LRRIQ4: variants seen among roughly 807,000 people sequenced by gnomAD.
LRRIQ4 encodes the protein leucine rich repeats and IQ motif containing 4.
LRRIQ4 carries 21 observed loss-of-function variants against 40.1 expected under a neutral mutation model. The observed-to-expected ratio is 0.52, with a 90% CI of 0.37 to 0.75. LRRIQ4 has a LOEUF of 0.75. LRRIQ4 is among the 30% of genes least tolerant of loss of function. The probability of loss-of-function intolerance (pLI) is 0.00; values close to 1 mark genes in which losing one functional copy is unlikely to be tolerated. For missense variants in LRRIQ4, 655 were observed against 660.0 expected, an observed-to-expected ratio of 0.99 and a Z score of 0.08; for synonymous variants, 277 against 277.1, an observed-to-expected ratio of 1.00 and a Z score of 0.00.
At chr3:169,834,010 A>T (rs1482977201) in intron 5 of LRRIQ4, among the ~76,000 whole-genome samples, 2 of 152,224 alleles carry the variant, frequency 1.3e-5, no homozygotes, top group African/African-American at 4.8e-5. Context: ...ACATAATTTT[A>T]ATCAAAATAA....
intron 2 of LRRIQ4, among the ~76,000 whole-genome samples, chr3:169,826,985 C>T (rs1035008906): frequency 3.3e-5 from 5 of 152,210 alleles, no homozygotes; most frequent in Non-Finnish European, 1.5e-5. Flanking sequence ...AGGTTGTCCT[C>T]AGTGAACTTT....
At chr3:169,814,416 C>T (rs1158229632) in intron 1 of LRRIQ4, among the ~76,000 whole-genome samples, 2 of 152,162 alleles carry the variant, frequency 1.3e-5, no homozygotes, top group Non-Finnish European at 2.9e-5. Flanking sequence ...CCTGTGTGCT[C>T]CTCCGCCGGT....
intron 4 of LRRIQ4, among the ~76,000 whole-genome samples, chr3:169,831,367 G>A (rs1328126184): frequency 1.5e-5 from 2 of 131,216 alleles, no homozygotes; most frequent in African/African-American, 5.8e-5. Flanking sequence ...TCTGCCTCCC[G>A]GGTTCACGCT....
At chr3:169,830,348 A>C in intron 3 of LRRIQ4, 144 bp from the exon 4 acceptor site, 1 of 562,298 alleles carries the variant, frequency 1.8e-6, no homozygotes, top group Non-Finnish European at 2.8e-6. Flanking sequence ...TTTTCCCTTA[A>C]CTCAATGCGT....
intron 1 of LRRIQ4, among the ~76,000 whole-genome samples, chr3:169,814,865 T>C (rs896916055): frequency 6.6e-6 from 1 of 152,152 alleles, no homozygotes; most frequent in Non-Finnish European, 1.5e-5. Flanking sequence ...GGATATCCAG[T>C]TTTCCCAGAA....
Position 169,814,055 on chromosome 3 carries a change from C to T in LRRIQ4, c.-32+1009C>T, listed in dbSNP as rs1560607112. Among the ~76,000 whole-genome samples, 7 of 152,230 alleles carry T rather than the reference C, an allele frequency of 4.6e-5. No homozygotes were observed. In the South Asian group the frequency reaches 1.2e-3, roughly 27 times the overall value. ...TATAGGCGGCTTGCGTCAATCAGCT[C>T]AGTTAGACCCTCTGTCTTACCGCAA... On this transcript the variant is annotated intron_variant, in intron 1 of 5. Transcript: ENST00000340806.
chr3:169,819,131 T>A (rs1158686694), intron 1 of LRRIQ4, among the ~76,000 whole-genome samples: 1 of 152,218 alleles, frequency 6.6e-6, no homozygotes, highest in Non-Finnish European at 1.5e-5. Context: ...GTAAATTTGA[T>A]CACATTTGTG....
intron 5 of LRRIQ4, among the ~76,000 whole-genome samples, chr3:169,833,809 C>G (rs542945841): frequency 6.6e-6 from 1 of 152,302 alleles, no homozygotes; most frequent in Non-Finnish European, 1.5e-5. Flanking sequence ...AGCAGTTGCA[C>G]TGATGCTCCA....
chr3:169,819,914 T>C (rs988205360), intron 1 of LRRIQ4, among the ~76,000 whole-genome samples: 1 of 152,244 alleles, frequency 6.6e-6, no homozygotes, highest in African/African-American at 2.4e-5. Flanking sequence ...ATCTGCCTGA[T>C]GACTAAGTGA....
chr3:169,829,690 G>A (rs909685618), intron 3 of LRRIQ4, among the ~76,000 whole-genome samples: 3 of 152,092 alleles, frequency 2.0e-5, no homozygotes, highest in Admixed American at 1.3e-4. Context: ...TAGTAAAGAC[G>A]GGGTTTTGCC....
At position 169,833,151 on chromosome 3, in the gene LRRIQ4, GA is replaced by G; in HGVS notation, c.1502del (p.Asn501ThrfsTer6). The G allele has an allele frequency of 6.2e-7, 1 of 1,613,352 alleles. No homozygotes were observed. Among genetic ancestry groups the G allele is most frequent in the Admixed American group, 1.7e-5 (1 of 59,876 alleles). ...TGAGGCCATATGGAAATACCTCAAG[GA>G]AAACAGAAACAGGAATATAATGGCA... ...GNEAIWKYLK[E>X]NRNRNIMATK... On this transcript the variant is annotated frameshift_variant, in exon 5 of 6. Coordinates refer to ENST00000340806, the MANE Select transcript of LRRIQ4 (RefSeq NM_001080460.3). LOFTEE classifies it low-confidence loss of function (END_TRUNC).
At chr3:169,818,402 C>G (rs767532007) in intron 1 of LRRIQ4, among the ~76,000 whole-genome samples, 4 of 152,072 alleles carry the variant, frequency 2.6e-5, no homozygotes, top group Non-Finnish European at 4.4e-5. Flanking sequence ...ATTTGGTGTT[C>G]CTGTTGGAGG....
At position 169,822,009 on chromosome 3, in the gene LRRIQ4, A is replaced by T. The variant is rs1200997833; in HGVS notation, c.88A>T (p.Ile30Phe). The change falls in exon 2 of 6, where the codon ATT becomes TTT. Residue 30 changes from isoleucine to phenylalanine, a missense_variant. Ile to Phe is a conservative substitution (Grantham distance 21). Coordinates refer to ENST00000340806, the MANE Select transcript of LRRIQ4 (RefSeq NM_001080460.3). ...GCACGTCAATGATAGAACATTTTTC[A>T]TTGATGCCTCTAATCAGAGCTTGAC... ...PQHVNDRTFFIDASNQSLTAI... is the reference protein window; with the variant it reads ...PQHVNDRTFFFDASNQSLTAI... The T allele has an allele frequency of 1.3e-6, 2 of 1,576,794 alleles. No homozygotes were observed. The highest frequency in any genetic ancestry group is 2.0e-5 in the Admixed American group (1 of 50,120).
intron 5 of LRRIQ4, among the ~76,000 whole-genome samples, chr3:169,834,232 C>A (rs1171960192): frequency 6.6e-6 from 1 of 151,972 alleles, no homozygotes; most frequent in East Asian, 1.9e-4. Context: ...CATGGTGGTG[C>A]GTGCCTGTAA....
intron 1 of LRRIQ4, among the ~76,000 whole-genome samples, 124 bp downstream of exon 1, chr3:169,813,170 A>G (rs1779669343): frequency 1.3e-5 from 2 of 152,228 alleles, no homozygotes; most frequent in Admixed American, 1.3e-4. Context: ...AATGCCAATC[A>G]CTGAAACAAT....
At chr3:169,813,390 G>T (rs999424471) in intron 1 of LRRIQ4, among the ~76,000 whole-genome samples, 2 of 152,188 alleles carry the variant, frequency 1.3e-5, no homozygotes, top group African/African-American at 4.8e-5. Flanking sequence ...GTGGGTGAGG[G>T]ATCTGGTGTC....
rs759783595 is a variant in LRRIQ4 at position 169,822,612 on chromosome 3, T to G, written c.691T>G (p.Cys231Gly). The change falls in exon 2 of 6, where the codon TGC (cysteine) becomes GGC (glycine). Residue 231 changes from cysteine (C) to glycine (G), a missense_variant. Physicochemically the swap from Cys to Gly is radical, Grantham distance 159. Transcript: ENST00000340806. ...CCTTCCCGTTCTGCCCGCGTCCTTG[T>G]GCCAGTGTAGCCAACTGTCGGTGCT... ...NNLPVLPASL[C>G]QCSQLSVLDL... 6.2e-7 allele frequency: 1 copy of G among 1,614,014 alleles called. No individual in the cohort carries two copies. The highest frequency in any genetic ancestry group is 1.7e-5 in the Admixed American group (1 of 60,030).
intron 2 of LRRIQ4, among the ~76,000 whole-genome samples, chr3:169,827,223 C>T (rs1780057908): frequency 6.6e-6 from 1 of 152,124 alleles, no homozygotes; most frequent in Admixed American, 6.5e-5. Context: ...AGTTAAGGAG[C>T]TGTTGAGCTA....
Position 169,822,634 on chromosome 3 carries a change from T to C in LRRIQ4, c.713T>C (p.Val238Ala), listed in dbSNP as rs779980187. The C allele has an allele frequency of 1.5e-5, 25 of 1,613,816 alleles. No homozygotes were observed. The highest frequency in any genetic ancestry group is 1.2e-4 in the South Asian group (11 of 91,086). ...TTGTGCCAGTGTAGCCAACTGTCGG[T>C]GCTCGATTTATCCCACAACCTCCTC... ...ASLCQCSQLS[V>A]LDLSHNLLHS... The change falls in exon 2 of 6, where the codon GTG becomes GCG. Residue 238 changes from valine to alanine, a missense_variant. Physicochemically the swap from Val to Ala is moderately conservative, Grantham distance 64. Transcript: ENST00000340806.
Sources: allele counts gnomAD v4.1 joint callset (sites outside exome capture counted in the v4.1 genomes callset), GRCh38; gene constraint gnomAD v4.1.1; transcripts MANE v1.5; gene names NCBI Gene and HGNC (gene_info 2026-07-23, HGNC 2026-07-21).